Variants in GABRR2 observed in about 807,000 individuals in gnomAD.
GABRR2 encodes gamma-aminobutyric acid type A receptor subunit rho2.
GABRR2 carries 36 observed loss-of-function variants against 47.0 expected under a neutral mutation model. The ratio of observed to expected loss-of-function variants is 0.77; its 90% CI spans 0.59 to 1.01. GABRR2 has a LOEUF of 1.01. GABRR2 is among the 50% of genes least tolerant of loss of function. The pLI, the probability that GABRR2 is intolerant of heterozygous loss-of-function variation, is 0.00. For synonymous variants in GABRR2, 204 were observed against 227.5 expected (o/e 0.90, Z 0.93); for missense variants, 587 against 594.6 (o/e 0.99, Z 0.13).
At chr6:89,291,419 G>A (rs1055806056) in intron 2 of GABRR2, among the ~76,000 whole-genome samples, 2 of 152,088 alleles carry the variant, frequency 1.3e-5, no homozygotes, top group Non-Finnish European at 2.9e-5. Flanking sequence ...GAGCGGCGCT[G>A]CCCATTGCTC....
chr6:89,310,503 C>G (rs1188229900), intron 1 of GABRR2, among the ~76,000 whole-genome samples: 1 of 152,202 alleles, frequency 6.6e-6, no homozygotes, highest in Non-Finnish European at 1.5e-5. Context: ...CATCTTCTCT[C>G]TCTACCCTCT....
intron 2 of GABRR2, among the ~76,000 whole-genome samples, chr6:89,274,459 A>C (rs546332512): frequency 1.3e-5 from 2 of 152,118 alleles, no homozygotes; most frequent in African/African-American, 4.8e-5. Context: ...TTCCATGAAC[A>C]ATTTTATGTT....
Position 89,257,583 on chromosome 6 carries a change from G to A in GABRR2, c.*87C>T, listed in dbSNP as rs1773628397. ...AGTAGCTGCTGCATTGTTTGGTGAG[G>A]GGCGTGTGGTCAACAAGTCCGTCTG... On this transcript the variant is annotated 3_prime_UTR_variant, in exon 9 of 9. Transcript: ENST00000402938. The A allele has an allele frequency of 9.5e-7, 1 of 1,047,324 alleles. No homozygotes were observed. Among genetic ancestry groups the A allele is most frequent in the African/African-American group, 1.6e-5 (1 of 62,224 alleles). The allele number at this position is 1,047,324 out of a possible 1,614,324, so 64.9% of individuals were successfully genotyped here.
intron 2 of GABRR2, among the ~76,000 whole-genome samples, chr6:89,290,860 T>G (rs1310464309): frequency 1.3e-5 from 2 of 152,132 alleles, no homozygotes; most frequent in Non-Finnish European, 2.9e-5. Flanking sequence ...GCTACAGCTC[T>G]TTTCCAGGCT....
intron 1 of GABRR2, chr6:89,301,821 C>T: frequency 1.0e-6 from 1 of 972,366 alleles, no homozygotes; most frequent in Non-Finnish European, 1.7e-6. Context: ...GCCAGTGCGG[C>T]AACTAGATCG....
chr6:89,291,770 A>G (rs775649477), intron 2 of GABRR2, among the ~76,000 whole-genome samples: 21 of 152,170 alleles, frequency 1.4e-4, no homozygotes, highest in Non-Finnish European at 2.8e-4. Context: ...GTTTCCCCCC[A>G]ATAGACCATC....
rs150357450 is a variant in GABRR2, at chr6:89,274,005, T to C, written c.221-2283A>G. On this transcript the variant is annotated intron_variant, in intron 2 of 8. Coordinates refer to ENST00000402938, the MANE Select transcript of GABRR2 (RefSeq NM_002043.5). ...CTAGTGGCCTGGTTTTCAGATAACA[T>C]GCACAGTGTTTGACCAGGAGCTAGT... is the stretch of plus-strand genomic sequence containing the variant. Among the ~76,000 whole-genome samples the C allele has an allele frequency of 2.7e-3, 407 of 152,322 alleles. 3 individuals carry two copies. The highest frequency in any genetic ancestry group is 9.3e-3 in the African/African-American group (387 of 41,562).
At chr6:89,270,874 T>C (rs1774035778) in intron 3 of GABRR2, among the ~76,000 whole-genome samples, 1 of 152,154 alleles carries the variant, frequency 6.6e-6, no homozygotes, top group Non-Finnish European at 1.5e-5. Flanking sequence ...TAGTCAAGCA[T>C]GGAAGACAAC....
chr6:89,268,830 G>A (rs554740374), intron 4 of GABRR2, among the ~76,000 whole-genome samples, 181 bp downstream of exon 4: 1 of 152,266 alleles, frequency 6.6e-6, no homozygotes, highest in East Asian at 1.9e-4. Flanking sequence ...CCAGTGATGG[G>A]GAAGTTGTCC....
intron 2 of GABRR2, among the ~76,000 whole-genome samples, chr6:89,295,745 GT>G (rs1443122675): frequency 4.6e-5 from 7 of 151,514 alleles, no homozygotes; most frequent in Non-Finnish European, 1.0e-4. Context: ...TTCTTCTAGG[GT>G]TTTTATGGTT....
At chr6:89,280,083 G>A (rs1265275305) in intron 2 of GABRR2, among the ~76,000 whole-genome samples, 1 of 151,862 alleles carries the variant, frequency 6.6e-6, no homozygotes, top group African/African-American at 2.4e-5. Context: ...GGGGGCTCAT[G>A]CCTGTAATCT....
intron 1 of GABRR2, among the ~76,000 whole-genome samples, chr6:89,312,318 C>A (rs1364068265): frequency 6.6e-6 from 1 of 152,198 alleles, no homozygotes; most frequent in Non-Finnish European, 1.5e-5. Context: ...ATTTAGTACA[C>A]AGAGACACAA....
At chr6:89,281,544 A>C (rs1270217219) in intron 2 of GABRR2, among the ~76,000 whole-genome samples, 2 of 151,068 alleles carry the variant, frequency 1.3e-5, no homozygotes, top group Non-Finnish European at 2.9e-5. Context: ...ATTCCCCCAC[A>C]CTTCTCAGAT....
At chr6:89,292,796 G>A (rs868725624) in intron 2 of GABRR2, among the ~76,000 whole-genome samples, 297 of 17,878 alleles carry the variant, frequency 0.017, 55 homozygotes, top group African/African-American at 0.059. Context: ...ACGATATATC[G>A]TATATATCGT....
At chr6:89,275,792 C>T (rs1267036025) in intron 2 of GABRR2, among the ~76,000 whole-genome samples, 8 of 152,080 alleles carry the variant, frequency 5.3e-5, no homozygotes, top group African/African-American at 7.2e-5. Context: ...AGTGGAGCTT[C>T]GTACTTCATA....
rs1418813872 is a variant in GABRR2, at chr6:89,271,790, G to T, written c.221-68C>A. The T allele has an allele frequency of 3.6e-6, 5 of 1,385,614 alleles. No individual in the cohort carries two copies. In the South Asian group the frequency reaches 3.7e-5, roughly 10 times the overall value. 85.8% of individuals were successfully genotyped at this position (1,385,614 alleles called of 1,614,324 possible). On this transcript the variant is annotated intron_variant, in intron 2 of 8. Transcript: ENST00000402938. ...TACCTTTGGGCTGGGAACAGCCCCA[G>T]TTGGCTTCCCCCGGGGAGCCAGGAC...
intron 1 of GABRR2, among the ~76,000 whole-genome samples, chr6:89,308,455 T>C (rs1019557021): frequency 6.6e-6 from 1 of 152,184 alleles, no homozygotes; most frequent in African/African-American, 2.4e-5. Flanking sequence ...AATCTTTCCA[T>C]TACCTCAGTG....
rs1342619107 is a variant in GABRR2, at chr6:89,264,685, C to G, written c.890-77G>C. On this transcript the variant is annotated intron_variant, in intron 7 of 8. Transcript: ENST00000402938. ...CATATCTCACTAAGTCACGATTTTA[C>G]ACTCTCTATCTCTTAAACCACATGA... is the stretch of plus-strand genomic sequence containing the variant. 3.9e-6 allele frequency: 6 copies of G among 1,532,386 alleles called. No homozygotes were observed. The South Asian group carries it at 7.2e-5, about 18-fold the overall frequency. 94.9% of individuals were successfully genotyped at this position (1,532,386 alleles called of 1,614,324 possible).
At chr6:89,262,772 T>C (rs1398179837) in intron 8 of GABRR2, among the ~76,000 whole-genome samples, 1 of 152,240 alleles carries the variant, frequency 6.6e-6, no homozygotes, top group Non-Finnish European at 1.5e-5. Context: ...TGTTCATAAA[T>C]ATGAGATTTT....
Sources: gnomAD v4.1 joint callset for allele counts (sites outside exome capture counted in the v4.1 genomes callset) on GRCh38, gnomAD v4.1.1 for gene constraint, MANE v1.5 for transcripts, NCBI Gene and HGNC (gene_info 2026-07-23, HGNC 2026-07-21) for gene names.